The following CAMK1D variants were observed in gnomAD, a reference collection of about 807,000 sequenced individuals.
CAMK1D encodes the protein calcium/calmodulin dependent protein kinase ID.
In CAMK1D, 9 loss-of-function variants were observed where a neutral mutation model predicts 47.7. The ratio of observed to expected loss-of-function variants is 0.19; its 90% confidence interval spans 0.11 to 0.33. The LOEUF is 0.33. CAMK1D is among the 10% of genes least tolerant of loss of function. The pLI is 1.00. For synonymous variants in CAMK1D, 184 were observed against 184.9 expected, an observed-to-expected ratio of 0.99 and a Z score of 0.04; for missense variants, 291 against 488.7, an observed-to-expected ratio of 0.60 and a Z score of 3.81.
chr10:12,465,215 C>T (rs1276862498), intron 1 of CAMK1D, among the ~76,000 whole-genome samples: 1 of 152,204 alleles, frequency 6.6e-6, no homozygotes, highest in Non-Finnish European at 1.5e-5. Context: ...CTGGGTGTTT[C>T]TGTCTCAGCC....
chr10:12,611,588 CTTTT>C lies in CAMK1D; in HGVS notation c.225-55130_225-55127del, dbSNP rs71386105. Among the ~76,000 whole-genome samples the C allele has an allele frequency of 9.2e-4, 55 of 59,944 alleles. 3 individuals carry two copies. Among genetic ancestry groups the C allele is most frequent in the African/African-American group, 1.8e-3 (37 of 20,320 alleles). 39.3% of individuals were successfully genotyped at this position (59,944 alleles called of 152,430 possible). A position where few individuals can be genotyped will look rare whatever the true frequency, so the allele number is the denominator to read the frequency against. On this transcript the variant is annotated intron_variant, in intron 2 of 10. Coordinates refer to ENST00000619168, the MANE Select transcript of CAMK1D (RefSeq NM_153498.4). ...CAGTTCCCTGAATGTTTCAGAATGC[CTTTT>C]TTTTTTTTTTTTTTTTTGAGACAGA...
intron 2 of CAMK1D, among the ~76,000 whole-genome samples, chr10:12,601,146 T>C (rs1838288306): frequency 6.6e-6 from 1 of 151,740 alleles, no homozygotes; most frequent in Non-Finnish European, 1.5e-5. Context: ...AGACACCCAG[T>C]AGTGGGATTG....
chr10:12,833,190 G>A lies in CAMK1D; in HGVS notation c.*4303G>A, dbSNP rs371455069. 1 of 152,262 alleles carries A rather than the reference G, an allele frequency of 6.6e-6. No homozygotes were observed. The highest frequency in any genetic ancestry group is 1.5e-5 in the Non-Finnish European group (1 of 68,114). The allele number at this position is 152,262 out of a possible 1,614,324, so 9.4% of individuals were successfully genotyped here. A position where few individuals can be genotyped will look rare whatever the true frequency, so the allele number is the denominator to read the frequency against. On this transcript the variant is annotated 3_prime_UTR_variant, in exon 11 of 11. Coordinates refer to ENST00000619168, the MANE Select transcript of CAMK1D (RefSeq NM_153498.4). ...AAGGAATCTGGCCTAGGGAGCCCCGGACTCGGTTTACCTACCCCGTACTCA... is the reference window on the plus strand; with the variant it reads ...AAGGAATCTGGCCTAGGGAGCCCCGAACTCGGTTTACCTACCCCGTACTCA...
chr10:12,681,896 A>G (rs898524003), intron 3 of CAMK1D, among the ~76,000 whole-genome samples: 3 of 152,274 alleles, frequency 2.0e-5, no homozygotes, highest in Non-Finnish European at 4.4e-5. Flanking sequence ...GAAAGAAAAC[A>G]AATTAAATGA....
chr10:12,643,032 T>C (rs1330779235), intron 2 of CAMK1D, among the ~76,000 whole-genome samples: 1 of 152,190 alleles, frequency 6.6e-6, no homozygotes, highest in African/African-American at 2.4e-5. Flanking sequence ...CACGGAGTCT[T>C]ACTCTGTTTC....
At chr10:12,428,483 A>T (rs956767710) in intron 1 of CAMK1D, among the ~76,000 whole-genome samples, 2 of 152,046 alleles carry the variant, frequency 1.3e-5, no homozygotes, top group African/African-American at 4.8e-5. Context: ...TCTCTCTGCT[A>T]ATACCACCTT....
At chr10:12,816,404 G>A (rs995707423) in intron 8 of CAMK1D, 76 bp downstream of exon 8, 134 of 1,174,396 alleles carry the variant, frequency 1.1e-4, no homozygotes, top group South Asian at 4.7e-4. Flanking sequence ...CCTGTTGGCC[G>A]TTGTCATTTA....
chr10:12,664,934 A>AC (rs1840381673), intron 2 of CAMK1D, among the ~76,000 whole-genome samples: 1 of 152,260 alleles, frequency 6.6e-6, no homozygotes, highest in South Asian at 2.1e-4. Flanking sequence ...ATTGCAAATT[A>AC]AAACAATTTT....
rs201851089 is a variant in CAMK1D at position 12,783,816 on chromosome 10, G to A, written c.566-7342G>A. ...ATCAATATAAAGTAGCTTGGTTCCC[G>A]CAAAGTGGAATTTTCCATAAGTGGG... On this transcript the variant is annotated intron_variant, in intron 5 of 10. Coordinates refer to ENST00000619168, the MANE Select transcript of CAMK1D (RefSeq NM_153498.4). 1.1e-4 allele frequency among the ~76,000 whole-genome samples: 17 copies of A among 152,232 alleles called. No homozygotes were observed. The East Asian group carries it at 1.4e-3, about 12-fold the overall frequency.
intron 1 of CAMK1D, among the ~76,000 whole-genome samples, chr10:12,437,334 G>A (rs369455742): frequency 6.6e-6 from 1 of 152,028 alleles, no homozygotes; most frequent in Admixed American, 6.6e-5. Context: ...TGGGATTACC[G>A]GCGTCTGCTA....
chr10:12,627,556 A>G (rs1839256495), intron 2 of CAMK1D, among the ~76,000 whole-genome samples: 1 of 152,110 alleles, frequency 6.6e-6, no homozygotes, highest in Non-Finnish European at 1.5e-5. Flanking sequence ...CTTTCTACCC[A>G]CTGTCCTGTA....
chr10:12,433,753 G>T (rs536632473), intron 1 of CAMK1D, among the ~76,000 whole-genome samples: 10 of 152,234 alleles, frequency 6.6e-5, no homozygotes, highest in Non-Finnish European at 1.5e-4. Flanking sequence ...AGATAGCCAC[G>T]TGCTTGGGCC....
chr10:12,786,816 G>A (rs538269936), intron 5 of CAMK1D, among the ~76,000 whole-genome samples: 23 of 152,346 alleles, frequency 1.5e-4, no homozygotes, highest in African/African-American at 5.5e-4. Flanking sequence ...TAGTTAGTCT[G>A]TGGCTGCAAG....
chr10:12,597,055 C>T (rs1838166728), intron 2 of CAMK1D, among the ~76,000 whole-genome samples: 1 of 152,104 alleles, frequency 6.6e-6, no homozygotes, highest in Non-Finnish European at 1.5e-5. Context: ...CCCTTCAAAG[C>T]ACCCATCAGT....
chr10:12,481,950 C>T (rs55679558), intron 1 of CAMK1D, among the ~76,000 whole-genome samples: 4,379 of 152,216 alleles, frequency 0.029, 206 homozygotes, highest in African/African-American at 0.099. Context: ...GGATCACTCA[C>T]GATGCTTAAT....
intron 1 of CAMK1D, among the ~76,000 whole-genome samples, chr10:12,396,658 G>T (rs1838966973): frequency 6.6e-6 from 1 of 152,226 alleles, no homozygotes; most frequent in Non-Finnish European, 1.5e-5. Flanking sequence ...GCTTAAACAA[G>T]CACTTACAAT....
Position 12,401,968 on chromosome 10 carries a change from T to C in CAMK1D, c.92+52058T>C, listed in dbSNP as rs370401855. On this transcript the variant is annotated intron_variant, in intron 1 of 10. Coordinates refer to ENST00000619168, the MANE Select transcript of CAMK1D (RefSeq NM_153498.4). ...TGGAGTACAGTGGCGCGATCTCCGC[T>C]CATTGCAACCTCCGCCTGCCGGGTT... Among the ~76,000 whole-genome samples the C allele has an allele frequency of 3.3e-5, 5 of 151,780 alleles. No homozygotes were observed. In the East Asian group the frequency reaches 7.7e-4, roughly 23 times the overall value.
rs551668892 is a variant in CAMK1D at position 12,778,996 on chromosome 10, A to G, written c.565+9197A>G. On this transcript the variant is annotated intron_variant, in intron 5 of 10. Coordinates refer to ENST00000619168, the MANE Select transcript of CAMK1D (RefSeq NM_153498.4). The stretch of plus-strand genomic sequence containing the variant: ...AAAGTAAGGAGAGTCACAGGTGCAG[A>G]GCAGGCAGGGGGAGCAGAGGCCCAG... 5.9e-5 allele frequency among the ~76,000 whole-genome samples: 9 copies of G among 152,332 alleles called. No individual in the cohort carries two copies. In the South Asian group the frequency reaches 1.2e-3, roughly 21 times the overall value.
At chr10:12,636,573 C>T (rs992104353) in intron 2 of CAMK1D, among the ~76,000 whole-genome samples, 12 of 152,198 alleles carry the variant, frequency 7.9e-5, no homozygotes, top group Non-Finnish European at 1.8e-4. Context: ...AGCGTTTCTC[C>T]CACCTCAGCC....
Sources: gnomAD v4.1 joint callset for allele counts (sites outside exome capture counted in the v4.1 genomes callset) on GRCh38, gnomAD v4.1.1 for gene constraint, MANE v1.5 for transcripts, NCBI Gene and HGNC (gene_info 2026-07-23, HGNC 2026-07-21) for gene names.